Variants in WWP2 observed in about 807,000 individuals in gnomAD.
WWP2 encodes NEDD4-like E3 ubiquitin-protein ligase WWP2.
A neutral mutation model predicts 121.0 loss-of-function variants in WWP2; 57 were observed. The observed-to-expected ratio is 0.47, with a 90% CI of 0.38 to 0.59. The LOEUF (loss-of-function observed/expected upper bound fraction) is 0.59, where lower values mean the gene tolerates loss of function less well. Ranked by LOEUF, WWP2 falls within the 20% of genes least tolerant of loss-of-function variation. The probability of loss-of-function intolerance (pLI) is 0.00; values close to 1 mark genes in which losing one functional copy is unlikely to be tolerated. For synonymous variants in WWP2, 449 were observed against 441.3 expected, an observed-to-expected ratio of 1.02 and a Z score of -0.22; for missense variants, 962 against 1,158.9, an observed-to-expected ratio of 0.83 and a Z score of 2.47.
intron 8 of WWP2, among the ~76,000 whole-genome samples, chr16:69,906,128 A>T (rs964431425): frequency 1.3e-5 from 2 of 149,006 alleles, no homozygotes; most frequent in African/African-American, 5.0e-5. Context: ...ACTGGAGTGC[A>T]GTGGTGCGAT....
chr16:69,861,056 A>G (rs555267604), intron 6 of WWP2, among the ~76,000 whole-genome samples: 2 of 152,310 alleles, frequency 1.3e-5, no homozygotes, highest in African/African-American at 4.8e-5. Context: ...GGCCAGCCCC[A>G]TGGAGATTCC....
At chr16:69,932,833 T>C (rs953120727) in intron 16 of WWP2, among the ~76,000 whole-genome samples, 2 of 152,176 alleles carry the variant, frequency 1.3e-5, no homozygotes, top group African/African-American at 2.4e-5. Context: ...AATGCTGCCT[T>C]GGACAGCAGG....
intron 4 of WWP2, among the ~76,000 whole-genome samples, chr16:69,824,407 G>T (rs1451721462): frequency 1.3e-5 from 2 of 152,098 alleles, no homozygotes; most frequent in Non-Finnish European, 2.9e-5. Flanking sequence ...TACAGAGTGG[G>T]ACTCTGACTT....
intron 4 of WWP2, among the ~76,000 whole-genome samples, chr16:69,818,840 C>CT (rs1596994875): frequency 6.6e-6 from 1 of 152,224 alleles, no homozygotes; most frequent in East Asian, 1.9e-4. Context: ...ATTTACCCCC[C>CT]TTTCATTCAC....
In WWP2 at chr16:69,799,760, G is replaced by T. The variant is rs6499257; in HGVS notation, c.340+465G>T. Among the ~76,000 whole-genome samples, 59,099 of 152,050 alleles carry T rather than the reference G, an allele frequency of 0.39. 11,694 individuals carry two copies. The highest frequency in any genetic ancestry group is 0.49 in the Admixed American group (7,558 of 15,282). Reference sequence around the variant, plus strand: ...TGTCTGGGATAGTATTACAAATAGTGCCCTGTGCTTACTCGGCACTCAGTA... The same window carrying T: ...TGTCTGGGATAGTATTACAAATAGTTCCCTGTGCTTACTCGGCACTCAGTA... On this transcript the variant is annotated intron_variant, in intron 4 of 23. Transcript: ENST00000359154. This position sits in a 1 kb window ranked among gnomAD's most constrained non-coding sequence, Gnocchi z 4.5.
intron 4 of WWP2, among the ~76,000 whole-genome samples, chr16:69,833,049 G>A (rs2056819831): frequency 6.6e-6 from 1 of 151,778 alleles, no homozygotes; most frequent in Non-Finnish European, 1.5e-5. Flanking sequence ...TATACAGATG[G>A]GGTCTCACTT....
chr16:69,928,818 A>G (rs1166970358), intron 11 of WWP2, among the ~76,000 whole-genome samples: 1 of 152,214 alleles, frequency 6.6e-6, no homozygotes, highest in African/African-American at 2.4e-5. Flanking sequence ...CCCAGATATC[A>G]TTTATTTGCT....
At chr16:69,811,789 C>G (rs2056396841) in intron 4 of WWP2, among the ~76,000 whole-genome samples, 1 of 152,066 alleles carries the variant, frequency 6.6e-6, no homozygotes, top group Admixed American at 6.6e-5. Flanking sequence ...AGAAGTGTTA[C>G]AAGAATAGAA....
chr16:69,933,102 C>A (rs7205289), intron 16 of WWP2: 1 of 508,238 alleles, frequency 2.0e-6, no homozygotes, highest in South Asian at 1.5e-5. Context: ...CTGTGTCCTG[C>A]CAGTGGTTTT....
chr16:69,885,209 A>T (rs1272381951), intron 7 of WWP2, among the ~76,000 whole-genome samples: 1 of 152,126 alleles, frequency 6.6e-6, no homozygotes, highest in Non-Finnish European at 1.5e-5. Flanking sequence ...TTTAGAATAA[A>T]TTCATCTAGC....
chr16:69,858,557 A>G (rs1172186364), intron 6 of WWP2, among the ~76,000 whole-genome samples: 1 of 152,054 alleles, frequency 6.6e-6, no homozygotes, highest in African/African-American at 2.4e-5. Context: ...TGAACCACCA[A>G]GAGTGTGCTG....
At chr16:69,928,627 G>A (rs2058670608) in intron 11 of WWP2, among the ~76,000 whole-genome samples, 1 of 152,208 alleles carries the variant, frequency 6.6e-6, no homozygotes, top group Non-Finnish European at 1.5e-5. Context: ...AGGATAGGCA[G>A]GCCAGGCACG....
At chr16:69,832,589 CG>C (rs1322160317) in intron 4 of WWP2, among the ~76,000 whole-genome samples, 2 of 152,136 alleles carry the variant, frequency 1.3e-5, no homozygotes, top group Non-Finnish European at 2.9e-5. Flanking sequence ...TCACTCAGTC[CG>C]GAGTGCAGTG....
At chr16:69,877,104 A>T (rs1316604132) in intron 7 of WWP2, among the ~76,000 whole-genome samples, 3 of 152,204 alleles carry the variant, frequency 2.0e-5, no homozygotes, top group African/African-American at 7.2e-5. Context: ...ACTTCTCTTT[A>T]TCTATGAATG....
rs539550354 is a variant in WWP2, at chr16:69,808,271, C to CT, written c.340+8988dup. ...ACCTTTTTTTGCATGTGTCAATAGTCTTTTTTTTTTTTAATAGAGATGGGA... is the reference window on the plus strand; with the variant it reads ...ACCTTTTTTTGCATGTGTCAATAGTCTTTTTTTTTTTTTAATAGAGATGGGA... On this transcript the variant is annotated intron_variant, in intron 4 of 23. Coordinates refer to ENST00000359154, the MANE Select transcript of WWP2 (RefSeq NM_001270454.2). Among the ~76,000 whole-genome samples the CT allele has an allele frequency of 3.1e-3, 439 of 141,752 alleles. 1 individual carries two copies. The highest frequency in any genetic ancestry group is 7.7e-3 in the African/African-American group (300 of 38,750). 93.0% of individuals were successfully genotyped at this position (141,752 alleles called of 152,430 possible). A position where few individuals can be genotyped will look rare whatever the true frequency, so the allele number is the denominator to read the frequency against.
intron 6 of WWP2, among the ~76,000 whole-genome samples, chr16:69,845,737 C>T (rs2057060972): frequency 6.6e-6 from 1 of 152,054 alleles, no homozygotes; most frequent in African/African-American, 2.4e-5. Flanking sequence ...TTAGTGGGAT[C>T]TTGCCTCTTC....
chr16:69,854,949 A>T (rs374011489), intron 6 of WWP2, among the ~76,000 whole-genome samples: 3 of 152,014 alleles, frequency 2.0e-5, no homozygotes, highest in East Asian at 1.9e-4. Flanking sequence ...TCAACCTCCA[A>T]GGCTCAAGTG....
At chr16:69,875,653 C>G (rs890383486) in intron 7 of WWP2, among the ~76,000 whole-genome samples, 1 of 152,230 alleles carries the variant, frequency 6.6e-6, no homozygotes, top group African/African-American at 2.4e-5. Flanking sequence ...GATTCCATCT[C>G]AAGAAACTGC....
intron 1 of WWP2, among the ~76,000 whole-genome samples, chr16:69,769,929 C>T (rs948121739): frequency 1.4e-5 from 2 of 146,336 alleles, no homozygotes; most frequent in Non-Finnish European, 3.0e-5. Flanking sequence ...GGCTAGAGTG[C>T]AATGGCATAA....
Sources: gnomAD v4.1 joint callset for allele counts (sites outside exome capture counted in the v4.1 genomes callset) on GRCh38, gnomAD v4.1.1 for gene constraint, Gnocchi (gnomAD v3.1) non-coding constraint, MANE v1.5 for transcripts, NCBI Gene and HGNC (gene_info 2026-07-23, HGNC 2026-07-21) for gene names.